TSPAN15: variants seen among roughly 807,000 people sequenced by gnomAD.
TSPAN15 encodes the protein tetraspanin-15.
Under a neutral mutation model 34.5 loss-of-function variants are expected in TSPAN15, and 20 were observed. The observed-to-expected ratio is 0.58, with a 90% CI of 0.41 to 0.84. The LOEUF is 0.84. Ranked by LOEUF, TSPAN15 falls within the 40% of genes least tolerant of loss-of-function variation. The pLI is 0.00. For missense variants in TSPAN15, 313 were observed against 386.1 expected, an observed-to-expected ratio of 0.81 and a Z score of 1.59; for synonymous variants, 155 against 153.9, an observed-to-expected ratio of 1.01 and a Z score of -0.05.
rs755068937 is a variant in TSPAN15, at chr10:69,462,155, G to GTTTTTTTTTTTTTTTT, written c.96+10476_96+10491dup. ...GCCACCATACCTGGCTAATTTTAAA[G>GTTTTTTTTTTTTTTTT]TTTTTTTTTTTTTTTTTTTTTTTTT... On this transcript the variant is annotated intron_variant, in intron 1 of 7. Transcript: ENST00000373290. Among the ~76,000 whole-genome samples, 57 of 82,700 alleles carry GTTTTTTTTTTTTTTTT rather than the reference G, an allele frequency of 6.9e-4. 5 individuals carry two copies. The highest frequency in any genetic ancestry group is 2.5e-3 in the African/African-American group (56 of 22,134). 54.3% of individuals were successfully genotyped at this position (82,700 alleles called of 152,430 possible). A position where few individuals can be genotyped will look rare whatever the true frequency, so the allele number is the denominator to read the frequency against.
intron 1 of TSPAN15, among the ~76,000 whole-genome samples, chr10:69,474,234 G>A (rs1399617155): frequency 4.0e-5 from 6 of 149,854 alleles, no homozygotes; most frequent in Non-Finnish European, 8.9e-5. Flanking sequence ...CCTCTCAGCA[G>A]CCCAGAGGGG....
At position 69,451,542 on chromosome 10, in the gene TSPAN15, G is replaced by T; in HGVS notation, c.-53G>T. 7.5e-7 allele frequency: 1 copy of T among 1,335,690 alleles called. No homozygotes were observed. Among genetic ancestry groups the T allele is most frequent in the South Asian group, 1.9e-5 (1 of 52,422 alleles). 82.7% of individuals were successfully genotyped at this position (1,335,690 alleles called of 1,614,324 possible). Reference sequence around the variant, plus strand: ...GTGGGGCCACGAGCGCTGGCTGAGGGACCGAGCCGGAGAGCCCCGGAGCCC... The same window carrying T: ...GTGGGGCCACGAGCGCTGGCTGAGGTACCGAGCCGGAGAGCCCCGGAGCCC... On this transcript the variant is annotated 5_prime_UTR_variant, in exon 1 of 8. Coordinates refer to ENST00000373290, the MANE Select transcript of TSPAN15 (RefSeq NM_012339.5).
intron 2 of TSPAN15, among the ~76,000 whole-genome samples, chr10:69,484,579 C>T (rs1054656797): frequency 6.6e-5 from 10 of 152,222 alleles, no homozygotes; most frequent in East Asian, 3.8e-4. Context: ...GAAGCCCCTA[C>T]GATCCACTGT....
At chr10:69,489,068 A>G (rs35765332) in intron 3 of TSPAN15, among the ~76,000 whole-genome samples, 12,845 of 152,240 alleles carry the variant, frequency 0.084, 1,089 homozygotes, top group East Asian at 0.42. Flanking sequence ...TCTCAACTGC[A>G]TAAGAGAGAC....
At chr10:69,500,938 G>A (rs1002856477) in intron 5 of TSPAN15, among the ~76,000 whole-genome samples, 1 of 152,216 alleles carries the variant, frequency 6.6e-6, no homozygotes. Flanking sequence ...GAGCTGGGTG[G>A]TGGTGGTGGT....
At chr10:69,525,591 C>G in the TSPAN15 span, among the ~76,000 whole-genome samples, 5 of 146,996 alleles carry the variant, frequency 3.4e-5, no homozygotes, top group African/African-American at 1.2e-4. Context: ...GAGGCTGAGG[C>G]CAGCAGATCA....
intron 1 of TSPAN15, among the ~76,000 whole-genome samples, chr10:69,454,259 T>C (rs1841035541): frequency 6.6e-6 from 1 of 152,232 alleles, no homozygotes; most frequent in East Asian, 1.9e-4. Context: ...GGCTCATGCT[T>C]GTAATCCCAG....
intron 1 of TSPAN15, among the ~76,000 whole-genome samples, chr10:69,459,208 TCA>T (rs34340025): frequency 0.4 from 60,280 of 151,412 alleles, 12,488 homozygotes; most frequent in Non-Finnish European, 0.45. Flanking sequence ...GCAGGAGCAT[TCA>T]GTCTTAACCA....
At chr10:69,518,124 G>A in the TSPAN15 span, among the ~76,000 whole-genome samples, 8 of 152,328 alleles carry the variant, frequency 5.3e-5, no homozygotes, top group East Asian at 1.9e-4. Flanking sequence ...AGGACAATCC[G>A]TGGTAGGAGA....
the TSPAN15 span, among the ~76,000 whole-genome samples, chr10:69,544,783 A>C: frequency 6.6e-6 from 1 of 152,132 alleles, no homozygotes; most frequent in Non-Finnish European, 1.5e-5. Context: ...CAGGGCCACA[A>C]GCGTGTCCAG....
the TSPAN15 span, among the ~76,000 whole-genome samples, chr10:69,518,371 C>T: frequency 3.2e-4 from 48 of 151,396 alleles, no homozygotes; most frequent in Non-Finnish European, 6.5e-4. Flanking sequence ...CCCCCGCCAC[C>T]CCAGAGTAAA....
intron 1 of TSPAN15, among the ~76,000 whole-genome samples, chr10:69,469,501 G>A (rs1222018143): frequency 4.6e-5 from 7 of 152,038 alleles, no homozygotes; most frequent in Non-Finnish European, 1.5e-5. Flanking sequence ...CAGGTTGGCC[G>A]GAGTGCAGTG....
At chr10:69,510,152 C>A (rs1842400401), downstream of TSPAN15, among the ~76,000 whole-genome samples, 1 of 152,196 alleles carries the variant, frequency 6.6e-6, no homozygotes, top group African/African-American at 2.4e-5. Context: ...AGCGTTGAAT[C>A]TATAAATTAC....
chr10:69,528,606 G>C, the TSPAN15 span, among the ~76,000 whole-genome samples: 35 of 148,596 alleles, frequency 2.4e-4, 3 homozygotes, highest in African/African-American at 8.5e-4. Flanking sequence ...CTTGTCCTGT[G>C]ACCAGGAAGA....
At chr10:69,546,815 T>C in the TSPAN15 span, among the ~76,000 whole-genome samples, 1 of 152,030 alleles carries the variant, frequency 6.6e-6, no homozygotes, top group Non-Finnish European at 1.5e-5. Flanking sequence ...CAAAGAGCCC[T>C]TCAAACCCAG....
At chr10:69,508,440 C>CAAAAAAAAAAAAAA (rs71009229), downstream of TSPAN15, among the ~76,000 whole-genome samples, 8 of 62,174 alleles carry the variant, frequency 1.3e-4, no homozygotes, top group Non-Finnish European at 2.0e-4. Context: ...GACTCCATCT[C>CAAAAAAAAAAAAAA]AAAAAAAAAA....
chr10:69,461,025 G>A (rs79988570), intron 1 of TSPAN15, among the ~76,000 whole-genome samples: 2,575 of 152,274 alleles, frequency 0.017, 78 homozygotes, highest in African/African-American at 0.059. Flanking sequence ...GCCCACAGGG[G>A]TGAGGCTTAG....
chr10:69,463,808 C>CA (rs56064605), intron 1 of TSPAN15, among the ~76,000 whole-genome samples: 6,181 of 116,884 alleles, frequency 0.053, 526 homozygotes, highest in African/African-American at 0.18. Flanking sequence ...GACTCCGTCT[C>CA]AAAAAAAAAA....
At chr10:69,497,960 T>C (rs1472929047) in intron 4 of TSPAN15, among the ~76,000 whole-genome samples, 1 of 152,132 alleles carries the variant, frequency 6.6e-6, no homozygotes, top group Non-Finnish European at 1.5e-5. Flanking sequence ...GCACCTGCAT[T>C]TGGGGACACG....
Sources: allele counts gnomAD v4.1 joint callset (sites outside exome capture counted in the v4.1 genomes callset), GRCh38; gene constraint gnomAD v4.1.1; transcripts MANE v1.5; gene names NCBI Gene and HGNC (gene_info 2026-07-23, HGNC 2026-07-21).